BCAS3: variants seen among roughly 807,000 people sequenced by gnomAD.
The protein encoded by BCAS3 is BCAS3 microtubule associated cell migration factor, also known as BCAS4/BCAS3 fusion.
Under a neutral mutation model 116.1 loss-of-function variants are expected in BCAS3, and 53 were observed. The ratio of observed to expected loss-of-function variants is 0.46; its 90% CI spans 0.37 to 0.57. The LOEUF is 0.57. Ranked by LOEUF, BCAS3 falls within the 20% of genes least tolerant of loss-of-function variation. BCAS3 has a pLI of 0.00. For synonymous variants in BCAS3, 391 were observed against 408.2 expected (o/e 0.96, Z 0.51); for missense variants, 917 against 1,165.4 (o/e 0.79, Z 3.10).
intron 6 of BCAS3, among the ~76,000 whole-genome samples, chr17:60,772,085 T>C (rs2044770784): frequency 6.6e-6 from 1 of 152,248 alleles, no homozygotes; most frequent in Non-Finnish European, 1.5e-5. Context: ...ATGGGATGGC[T>C]GGGTCAAATG....
chr17:61,188,618 TA>T lies in BCAS3; in HGVS notation c.2425+104056del, dbSNP rs1172423188. Among the ~76,000 whole-genome samples, 2 of 152,276 alleles carry T rather than the reference TA, an allele frequency of 1.3e-5. No individual in the cohort carries two copies. The highest frequency in any genetic ancestry group is 4.8e-5 in the African/African-American group (2 of 41,478). On this transcript the variant is annotated intron_variant, in intron 22 of 23. Transcript: ENST00000407086. This position sits in a 1 kb window ranked among gnomAD's most constrained non-coding sequence, Gnocchi z 4.0. ...CTTAGCAGTAGGTCTTAGCTTGTGC[TA>T]AGCATATAGAGTCCACTGTGGATGC...
In BCAS3 at chr17:61,365,270, A is replaced by T. The variant is rs2058665951; in HGVS notation, c.2426-3057A>T. Among the ~76,000 whole-genome samples, 1 of 152,064 alleles carries T rather than the reference A, an allele frequency of 6.6e-6. No individual in the cohort carries two copies. Among genetic ancestry groups the T allele is most frequent in the African/African-American group, 2.4e-5 (1 of 41,400 alleles). The stretch of plus-strand genomic sequence containing the variant: ...ATTACATATTCCTCTGGCCTTTACC[A>T]TCTCTTATGGACTGGGCCCAACATC... On this transcript the variant is annotated intron_variant, in intron 22 of 23. Transcript: ENST00000407086. The surrounding 1 kb of genome is among the most constrained non-coding windows in gnomAD (Gnocchi z 4.6).
chr17:60,912,345 G>A (rs1040401942), intron 12 of BCAS3, among the ~76,000 whole-genome samples: 1 of 152,074 alleles, frequency 6.6e-6, no homozygotes. Flanking sequence ...CTTAAATATT[G>A]CATATGTTTT....
chr17:61,020,269 G>A lies in BCAS3; in HGVS notation c.1637+4368G>A, dbSNP rs1477725461. On this transcript the variant is annotated intron_variant, in intron 16 of 23. Transcript: ENST00000407086. This position sits in a 1 kb window ranked among gnomAD's most constrained non-coding sequence, Gnocchi z 4.5. ...CTTATGTTTGCAAATACATATGCCT[G>A]AAAGCCTGTGCAGTGTCAGGGACCA... Among the ~76,000 whole-genome samples the A allele has an allele frequency of 1.3e-5, 2 of 152,196 alleles. No homozygotes were observed. Among genetic ancestry groups the A allele is most frequent in the African/African-American group, 4.8e-5 (2 of 41,452 alleles).
chr17:61,270,248 T>C (rs2050131109), intron 22 of BCAS3, among the ~76,000 whole-genome samples: 1 of 151,368 alleles, frequency 6.6e-6, no homozygotes, highest in Non-Finnish European at 1.5e-5. Context: ...GCCTCCTGAG[T>C]AGCTGGGATT....
chr17:60,976,233 C>T (rs2062359051), intron 14 of BCAS3, among the ~76,000 whole-genome samples: 1 of 150,880 alleles, frequency 6.6e-6, no homozygotes, highest in Non-Finnish European at 1.5e-5. Context: ...ACCGTGTTAG[C>T]CAGGATGGTC....
Position 61,130,009 on chromosome 17 carries a change from T to C in BCAS3, c.2425+45445T>C, listed in dbSNP as rs2076246799. ...GATTCTTGTTTTGTAGCTTTTTGTT[T>C]ATAAAGGCAATGTTGTATTCCACAG... On this transcript the variant is annotated intron_variant, in intron 22 of 23. Transcript: ENST00000407086. The surrounding 1 kb of genome is among the most constrained non-coding windows in gnomAD (Gnocchi z 5.0). Among the ~76,000 whole-genome samples, 1 of 152,220 alleles carries C rather than the reference T, an allele frequency of 6.6e-6. No individual in the cohort carries two copies. Among genetic ancestry groups the C allele is most frequent in the Admixed American group, 6.5e-5 (1 of 15,286 alleles).
At chr17:61,160,374 G>A (rs991584646) in intron 22 of BCAS3, among the ~76,000 whole-genome samples, 4 of 151,892 alleles carry the variant, frequency 2.6e-5, no homozygotes, top group Non-Finnish European at 4.4e-5. Context: ...TGCCATTGCC[G>A]TGCTGGATGG....
At chr17:60,762,630 C>A (rs111782112) in intron 6 of BCAS3, among the ~76,000 whole-genome samples, 1 of 152,052 alleles carries the variant, frequency 6.6e-6, no homozygotes, top group East Asian at 1.9e-4. Context: ...AGTCAGGTAG[C>A]GTGATGCCTC....
intron 5 of BCAS3, chr17:60,727,520 G>T: frequency 7.3e-7 from 1 of 1,374,870 alleles, no homozygotes; most frequent in Non-Finnish European, 9.7e-7. Flanking sequence ...TGATGAAAAC[G>T]AGAAATGGCA....
chr17:60,868,792 C>A, intron 8 of BCAS3, 109 bp downstream of exon 8: 1 of 569,852 alleles, frequency 1.8e-6, no homozygotes, highest in Non-Finnish European at 2.9e-6. Context: ...TTAAAAATCT[C>A]AAGGAAACAC....
chr17:60,992,476 T>C (rs556777129), intron 15 of BCAS3, among the ~76,000 whole-genome samples: 1 of 152,186 alleles, frequency 6.6e-6, no homozygotes, highest in African/African-American at 2.4e-5. Flanking sequence ...AGCTAAACAT[T>C]GAGTATACAT....
intron 14 of BCAS3, among the ~76,000 whole-genome samples, chr17:60,985,874 T>A (rs1361568828): frequency 6.6e-6 from 1 of 152,180 alleles, no homozygotes; most frequent in Admixed American, 6.5e-5. Context: ...GTAGCTGGAA[T>A]TACAGGCGCA....
chr17:60,816,268 C>CTTTTT (rs1334831441), intron 7 of BCAS3, among the ~76,000 whole-genome samples: 8 of 136,532 alleles, frequency 5.9e-5, no homozygotes, highest in African/African-American at 2.0e-4. Context: ...ACTTTTCTTT[C>CTTTTT]TTTTTCTTTT....
At chr17:60,903,056 T>C (rs1355599450) in intron 11 of BCAS3, among the ~76,000 whole-genome samples, 3 of 152,226 alleles carry the variant, frequency 2.0e-5, no homozygotes, top group Admixed American at 6.5e-5. Context: ...TTCTTTTATA[T>C]CAAGGGGCTG....
At chr17:60,714,399 T>A (rs1027706334) in intron 5 of BCAS3, among the ~76,000 whole-genome samples, 4 of 152,266 alleles carry the variant, frequency 2.6e-5, no homozygotes, top group African/African-American at 9.6e-5. Context: ...CCGCGGTGGC[T>A]CATGTCTGTA....
intron 22 of BCAS3, among the ~76,000 whole-genome samples, chr17:61,099,514 C>G (rs1048290929): frequency 2.0e-5 from 3 of 152,120 alleles, no homozygotes; most frequent in African/African-American, 7.2e-5. Flanking sequence ...GATCACTATT[C>G]CTTTGTATGG....
Position 61,004,592 on chromosome 17 carries a change from G to A in BCAS3, c.1487-11159G>A, listed in dbSNP as rs1007046868. ...AAACTACAAAAGGACAACAAGACAGGGATCAGGGCTATACCAGGATTATGC... is the reference window on the plus strand; with the variant it reads ...AAACTACAAAAGGACAACAAGACAGAGATCAGGGCTATACCAGGATTATGC... On this transcript the variant is annotated intron_variant, in intron 15 of 23. Transcript: ENST00000407086. The surrounding 1 kb of genome is among the most constrained non-coding windows in gnomAD (Gnocchi z 4.8). 6.6e-6 allele frequency among the ~76,000 whole-genome samples: 1 copy of A among 152,030 alleles called. No homozygotes were observed. Among genetic ancestry groups the A allele is most frequent in the Non-Finnish European group, 1.5e-5 (1 of 67,994 alleles).
At chr17:60,997,189 AG>A (rs1222833449) in intron 15 of BCAS3, among the ~76,000 whole-genome samples, 1 of 152,218 alleles carries the variant, frequency 6.6e-6, no homozygotes, top group African/African-American at 2.4e-5. Context: ...AGGTGAGCTC[AG>A]GTGGTAATGC....
Sources: gnomAD v4.1 joint callset for allele counts (sites outside exome capture counted in the v4.1 genomes callset) on GRCh38, gnomAD v4.1.1 for gene constraint, Gnocchi (gnomAD v3.1) non-coding constraint, MANE v1.5 for transcripts, NCBI Gene and HGNC (gene_info 2026-07-23, HGNC 2026-07-21) for gene names.